The following NCAM1 variants were observed in gnomAD, a reference collection of about 807,000 sequenced individuals.
The protein encoded by NCAM1 is antigen recognized by monoclonal antibody 5.1H11.
Under a neutral mutation model 109.8 loss-of-function variants are expected in NCAM1, and 14 were observed. The ratio of observed to expected loss-of-function variants is 0.13; its 90% CI spans 0.08 to 0.20. The LOEUF (loss-of-function observed/expected upper bound fraction) is 0.20. Among genes scored for constraint, NCAM1 ranks in the 10% least tolerant of loss-of-function variants. The pLI is 1.00. For missense variants in NCAM1, 774 were observed against 1,109.9 expected (o/e 0.70, Z 4.30); for synonymous variants, 418 against 442.9 (o/e 0.94, Z 0.70).
At chr11:113,222,639 C>T (rs1340816625) in intron 9 of NCAM1, among the ~76,000 whole-genome samples, 1 of 152,188 alleles carries the variant, frequency 6.6e-6, no homozygotes, top group African/African-American at 2.4e-5. Context: ...AATTATCAGC[C>T]ACTCTTAAGC....
At chr11:113,275,242 G>A (rs373753902) in intron 19 of NCAM1, 25 bp from the exon 20 acceptor site, 1 of 1,613,070 alleles carries the variant, frequency 6.2e-7, no homozygotes, top group African/African-American at 1.3e-5. Flanking sequence ...GGTCTCAGTG[G>A]TTCTGTTTTC....
intron 1 of NCAM1, among the ~76,000 whole-genome samples, chr11:113,154,668 C>T (rs924287765): frequency 6.6e-6 from 1 of 152,062 alleles, no homozygotes; most frequent in Non-Finnish European, 1.5e-5. Flanking sequence ...TAGAGTTAAA[C>T]GTTTTAGTTG....
chr11:113,055,980 T>TTG (rs1953685804), intron 1 of NCAM1, among the ~76,000 whole-genome samples: 2 of 4,818 alleles, frequency 4.2e-4, no homozygotes, highest in Admixed American at 1.8e-3. Context: ...GAAAATGTGA[T>TTG]ATATATATAT....
chr11:113,249,951 C>A (rs143741547), intron 15 of NCAM1, among the ~76,000 whole-genome samples: 2 of 152,022 alleles, frequency 1.3e-5, no homozygotes, highest in African/African-American at 4.8e-5. Context: ...AGTGTGGCTG[C>A]GGGGAGCTCA....
chr11:113,152,220 A>G (rs1291896848), intron 1 of NCAM1, among the ~76,000 whole-genome samples: 1 of 152,228 alleles, frequency 6.6e-6, no homozygotes, highest in Admixed American at 6.5e-5. Flanking sequence ...GATGTACCCC[A>G]TGTGTGGGGC....
chr11:113,254,655 A>C (rs1270135408), intron 15 of NCAM1, among the ~76,000 whole-genome samples: 3 of 152,148 alleles, frequency 2.0e-5, no homozygotes, highest in Non-Finnish European at 4.4e-5. Flanking sequence ...CCAATGGTGT[A>C]GTTTTAGGTG....
At chr11:113,270,857 A>T (rs1223081100) in intron 18 of NCAM1, among the ~76,000 whole-genome samples, 2 of 152,192 alleles carry the variant, frequency 1.3e-5, no homozygotes, top group Non-Finnish European at 2.9e-5. Flanking sequence ...GGGAACAAAC[A>T]GATAGAAATT....
At chr11:113,235,218 G>A in intron 14 of NCAM1, 54 bp downstream of exon 14, 8 of 1,613,070 alleles carry the variant, frequency 5.0e-6, no homozygotes, top group Non-Finnish European at 6.8e-6. Context: ...CTCCCTGGGG[G>A]CAGTGGGGAA....
At chr11:113,025,982 C>T (rs1807341924) in intron 1 of NCAM1, among the ~76,000 whole-genome samples, 1 of 152,168 alleles carries the variant, frequency 6.6e-6, no homozygotes, top group Admixed American at 6.5e-5. Context: ...TTAGCATCAT[C>T]AGCTAATGCT....
chr11:113,214,507 A>T lies in NCAM1; in HGVS notation c.1055A>T (p.Glu352Val), dbSNP rs376521254. Reference protein sequence around the residue: ...RTSTRNISSEEKASWTRPEKQ... With the variant: ...RTSTRNISSEVKASWTRPEKQ... The stretch of plus-strand genomic sequence containing the variant: ...TCTACCCGGAACATCAGCAGCGAAG[A>T]AAAGGTATCATGCTCCCCAGGAGTT... Residue 352 changes from glutamate to valine, a missense_variant, in exon 8 of 20, where the codon GAA becomes GTA. Glu to Val is a moderately radical substitution (Grantham distance 121). Around this residue, in one of 4 missense-constraint regions of NCAM1, gnomAD observed 523 missense variants for 784.2 expected, o/e 0.67. Transcript: ENST00000316851. 5 of 1,605,370 alleles carry T rather than the reference A, an allele frequency of 3.1e-6. No individual in the cohort carries two copies. Among genetic ancestry groups the T allele is most frequent in the Non-Finnish European group, 4.3e-6 (5 of 1,175,694 alleles).
At chr11:113,216,354 G>A (rs1386100135) in intron 8 of NCAM1, among the ~76,000 whole-genome samples, 8 of 151,648 alleles carry the variant, frequency 5.3e-5, no homozygotes, top group Non-Finnish European at 1.0e-4. Context: ...GGGTTTCACC[G>A]TGTTAGCCAG....
chr11:113,041,661 A>G (rs1953078136), intron 1 of NCAM1, among the ~76,000 whole-genome samples: 1 of 149,322 alleles, frequency 6.7e-6, no homozygotes, highest in East Asian at 2.0e-4. Flanking sequence ...TCTTCTTGTC[A>G]TGTAATTTTA....
chr11:112,967,178 C>T (rs1008384872), intron 1 of NCAM1, among the ~76,000 whole-genome samples: 3 of 152,160 alleles, frequency 2.0e-5, no homozygotes, highest in Non-Finnish European at 4.4e-5. Context: ...GGCGTCATTC[C>T]TGAGATAAGG....
chr11:113,259,192 C>T (rs1343733118), intron 16 of NCAM1, among the ~76,000 whole-genome samples: 4 of 150,670 alleles, frequency 2.7e-5, no homozygotes, highest in Non-Finnish European at 6.0e-5. Flanking sequence ...GCTGGGACTA[C>T]AGGCGCCCGC....
intron 17 of NCAM1, chr11:113,264,533 G>A (rs1946094311): frequency 1.0e-6 from 1 of 985,612 alleles, no homozygotes; most frequent in Non-Finnish European, 1.2e-6. Flanking sequence ...ACAGGGCAGA[G>A]CATAAGGATC....
At chr11:113,069,981 G>T (rs80140469) in intron 1 of NCAM1, among the ~76,000 whole-genome samples, 1 of 152,066 alleles carries the variant, frequency 6.6e-6, no homozygotes, top group African/African-American at 2.4e-5. Flanking sequence ...AGCAAAAAAT[G>T]CAAATACGGC....
chr11:113,160,724 C>T (rs915524857), intron 1 of NCAM1, among the ~76,000 whole-genome samples: 10 of 152,156 alleles, frequency 6.6e-5, no homozygotes, highest in Non-Finnish European at 1.3e-4. Context: ...TTTGCAGTTG[C>T]AGATGGCTGT....
chr11:113,176,106 G>A (rs1420620891), intron 1 of NCAM1, among the ~76,000 whole-genome samples: 1 of 152,146 alleles, frequency 6.6e-6, no homozygotes, highest in African/African-American at 2.4e-5. Flanking sequence ...GTGTCTTAGG[G>A]GAACAGGGTT....
At chr11:113,064,815 A>AT (rs531844278) in intron 1 of NCAM1, among the ~76,000 whole-genome samples, 6 of 151,868 alleles carry the variant, frequency 4.0e-5, no homozygotes, top group South Asian at 2.1e-4. Flanking sequence ...AAAGGTGTTA[A>AT]TTTTTTTTTC....
Sources: gnomAD v4.1 joint callset for allele counts (sites outside exome capture counted in the v4.1 genomes callset) on GRCh38, gnomAD v4.1.1 for gene constraint, gnomAD v4.1.1 regional missense constraint, MANE v1.5 for transcripts, NCBI Gene and HGNC (gene_info 2026-07-23, HGNC 2026-07-21) for gene names.